Variants in ARL13B observed in about 807,000 individuals in gnomAD.
The protein encoded by ARL13B is ARF like GTPase 13B.
In ARL13B, 36 loss-of-function variants were observed where a neutral mutation model predicts 56.1. The ratio of observed to expected loss-of-function variants is 0.64; its 90% CI spans 0.49 to 0.85. ARL13B has a LOEUF of 0.85. Among genes scored for constraint, ARL13B ranks in the 40% least tolerant of loss-of-function variants. ARL13B has a pLI of 0.00. For missense variants in ARL13B, 519 were observed against 507.1 expected, an observed-to-expected ratio of 1.02 and a Z score of -0.23; for synonymous variants, 178 against 171.1, an observed-to-expected ratio of 1.04 and a Z score of -0.32.
chr3:94,023,160 T>C (rs1409560185), intron 3 of ARL13B, among the ~76,000 whole-genome samples: 1 of 152,138 alleles, frequency 6.6e-6, no homozygotes, highest in Non-Finnish European at 1.5e-5. Context: ...TAATTTTCAT[T>C]ACTGAAAATA....
chr3:93,993,677 G>T (rs974447572), intron 1 of ARL13B, among the ~76,000 whole-genome samples: 1 of 152,082 alleles, frequency 6.6e-6, no homozygotes, highest in Non-Finnish European at 1.5e-5. Flanking sequence ...CTTAAATCTT[G>T]TTCTTTGATA....
intron 3 of ARL13B, among the ~76,000 whole-genome samples, chr3:94,024,948 T>A (rs1385775011): frequency 2.6e-5 from 4 of 152,156 alleles, no homozygotes; most frequent in Admixed American, 1.3e-4. Flanking sequence ...CATCATAGTT[T>A]AAAAATTTTT....
intron 1 of ARL13B, among the ~76,000 whole-genome samples, chr3:93,985,366 A>G (rs1253214506): frequency 6.6e-6 from 1 of 152,148 alleles, no homozygotes; most frequent in Non-Finnish European, 1.5e-5. Flanking sequence ...GAAATAGTGC[A>G]TGTAAAATAT....
At chr3:94,007,384 GT>G (rs997728522) in intron 3 of ARL13B, among the ~76,000 whole-genome samples, 114 of 152,290 alleles carry the variant, frequency 7.5e-4, no homozygotes, top group African/African-American at 2.7e-3. Context: ...CTGACAGCAT[GT>G]TGTGATGGCA....
chr3:94,041,558 C>CTA (rs2076862337), intron 6 of ARL13B, among the ~76,000 whole-genome samples: 1 of 152,078 alleles, frequency 6.6e-6, no homozygotes, highest in Admixed American at 6.6e-5. Context: ...AGATCTTATA[C>CTA]TACCCAATTT....
At chr3:93,997,613 A>G (rs1051320431) in intron 2 of ARL13B, among the ~76,000 whole-genome samples, 4 of 152,192 alleles carry the variant, frequency 2.6e-5, no homozygotes, top group Non-Finnish European at 4.4e-5. Context: ...AGTAGTAAAT[A>G]TTTTAGACCT....
At chr3:94,025,605 A>G (rs962454982) in intron 3 of ARL13B, among the ~76,000 whole-genome samples, 1 of 152,160 alleles carries the variant, frequency 6.6e-6, no homozygotes, top group Admixed American at 6.6e-5. Context: ...GCCTAGCTTC[A>G]TTGGGGAGTT....
At chr3:94,016,320 T>A (rs1359802548) in intron 3 of ARL13B, among the ~76,000 whole-genome samples, 1 of 152,150 alleles carries the variant, frequency 6.6e-6, no homozygotes, top group Non-Finnish European at 1.5e-5. Context: ...CTGAATGTGA[T>A]GCTGTTATGC....
Position 94,043,296 on chromosome 3 carries a change from T to C in ARL13B, c.1024+56T>C, listed in dbSNP as rs758137126. The C allele has an allele frequency of 2.6e-4, 367 of 1,414,410 alleles. 1 individual carries two copies. The highest frequency in any genetic ancestry group is 3.2e-4 in the Non-Finnish European group (330 of 1,032,412). The allele number at this position is 1,414,410 out of a possible 1,614,324, so 87.6% of individuals were successfully genotyped here. ...CTTATGTATATATAAATAAAACTTA[T>C]ACTTCATCTCATTTTTTATGTTTGT... is the stretch of plus-strand genomic sequence containing the variant. On this transcript the variant is annotated intron_variant, in intron 7 of 9. Transcript: ENST00000394222.
chr3:93,996,088 T>C, intron 2 of ARL13B, 144 bp downstream of exon 2: 3 of 852,632 alleles, frequency 3.5e-6, no homozygotes, highest in East Asian at 2.7e-5. Flanking sequence ...TTTGTGACTC[T>C]TGTGGCGAAT....
intron 3 of ARL13B, chr3:94,014,984 T>G (rs969392347): frequency 1.9e-6 from 3 of 1,613,928 alleles, no homozygotes; most frequent in Admixed American, 1.7e-5. Flanking sequence ...TTTATCTCCT[T>G]TGTAATGGTA....
In ARL13B at chr3:94,053,714, A is replaced by AT; in HGVS notation, c.*458dup. On this transcript the variant is annotated 3_prime_UTR_variant, in exon 10 of 10. Coordinates refer to ENST00000394222, the MANE Select transcript of ARL13B (RefSeq NM_001174150.2). ...ACCAAAATTTTAAAACTATTTTTAT[A>AT]TTTTTTTAAATCTTTAAAAATTTTA... The AT allele has an allele frequency of 3.2e-6, 1 of 310,166 alleles. No individual in the cohort carries two copies. The highest frequency in any genetic ancestry group is 6.3e-6 in the Non-Finnish European group (1 of 159,462). 19.2% of individuals were successfully genotyped at this position (310,166 alleles called of 1,614,324 possible).
At position 94,049,486 on chromosome 3, in the gene ARL13B, C is replaced by A. The variant is rs954203756; in HGVS notation, c.1105C>A (p.Pro369Thr). ...ACCACTTAATATAGATGACTGTGCT[C>A]CTGAGAGTCCAACGCCACCCCCACC... The part of the protein sequence containing the change: ...VEPLNIDDCA[P>T]ESPTPPPPPP... The change falls in exon 8 of 10, where the codon CCT becomes ACT. Residue 369 changes from proline to threonine, a missense_variant. Transcript: ENST00000394222. 6.8e-6 allele frequency: 11 copies of A among 1,611,402 alleles called. No individual in the cohort carries two copies. The African/African-American group carries it at 1.2e-4, about 18-fold the overall frequency.
intron 3 of ARL13B, among the ~76,000 whole-genome samples, chr3:94,026,074 C>T (rs2076551045): frequency 6.7e-6 from 1 of 149,222 alleles, no homozygotes; most frequent in Non-Finnish European, 1.5e-5. Flanking sequence ...GGCTGGAGTG[C>T]AGTGGCACCA....
In ARL13B at chr3:94,049,426, A is replaced by G. The variant is rs139063474; in HGVS notation, c.1045A>G (p.Lys349Glu). 1,080 of 1,606,368 alleles carry G rather than the reference A, an allele frequency of 6.7e-4. 3 individuals are homozygous for G. The highest frequency in any genetic ancestry group is 6.8e-4 in the Non-Finnish European group (794 of 1,176,006). The change falls in exon 8 of 10, where the codon AAG becomes GAG. Residue 349 changes from lysine (K) to glutamate (E), a missense_variant. Transcript: ENST00000394222. The part of the protein sequence containing the change: ...LESANGKKKT[K>E]KLRMKRNHRV... Reference sequence around the variant, plus strand: ...TGTAGCTAATGGTAAAAAGAAAACTAAGAAACTAAGAATGAAAAGGAACCA... The same window carrying G: ...TGTAGCTAATGGTAAAAAGAAAACTGAGAAACTAAGAATGAAAAGGAACCA...
intron 2 of ARL13B, among the ~76,000 whole-genome samples, chr3:93,998,804 G>A (rs1221438612): frequency 6.6e-6 from 1 of 151,950 alleles, no homozygotes. Context: ...TTCTCTAAAG[G>A]CATTTTGCTT....
At chr3:94,034,047 A>G (rs1478394786) in intron 3 of ARL13B, among the ~76,000 whole-genome samples, 34 of 152,170 alleles carry the variant, frequency 2.2e-4, no homozygotes, top group Admixed American at 2.1e-3. Flanking sequence ...GAATTTAAAC[A>G]TAACACTTGT....
At chr3:93,998,682 C>T (rs2076005138) in intron 2 of ARL13B, among the ~76,000 whole-genome samples, 2 of 152,260 alleles carry the variant, frequency 1.3e-5, no homozygotes, top group South Asian at 4.1e-4. Context: ...CAATTACTAC[C>T]TTACTTAGTA....
intron 7 of ARL13B, among the ~76,000 whole-genome samples, chr3:94,044,945 G>A (rs946690708): frequency 3.3e-5 from 5 of 152,206 alleles, no homozygotes; most frequent in South Asian, 4.1e-4. Flanking sequence ...CAACAGCTCC[G>A]AAGAGACAGT....
Sources: allele counts gnomAD v4.1 joint callset (sites outside exome capture counted in the v4.1 genomes callset), GRCh38; gene constraint gnomAD v4.1.1; transcripts MANE v1.5; gene names NCBI Gene and HGNC (gene_info 2026-07-23, HGNC 2026-07-21).